Variants in FAM20B observed in about 807,000 individuals in gnomAD.
The protein encoded by FAM20B is glycosaminoglycan xylosylkinase.
In FAM20B, 23 loss-of-function variants were observed where a neutral mutation model predicts 43.8. That is an observed-to-expected ratio of 0.53 (90% CI 0.38 to 0.74). The LOEUF is 0.74. Ranked by LOEUF, FAM20B falls within the 30% of genes least tolerant of loss-of-function variation. The pLI, the probability that FAM20B is intolerant of heterozygous loss-of-function variation, is 0.00. For synonymous variants in FAM20B, 178 were observed against 192.4 expected (o/e 0.93, Z 0.62); for missense variants, 440 against 510.5 (o/e 0.86, Z 1.33).
chr1:179,060,933 G>A (rs1651435048), intron 4 of FAM20B, among the ~76,000 whole-genome samples: 2 of 152,110 alleles, frequency 1.3e-5, no homozygotes, highest in Non-Finnish European at 2.9e-5. Flanking sequence ...CTTTTTGTTT[G>A]AGAGCTATTT....
chr1:179,029,934 C>A (rs907577397), intron 1 of FAM20B, among the ~76,000 whole-genome samples: 1 of 152,074 alleles, frequency 6.6e-6, no homozygotes, highest in Non-Finnish European at 1.5e-5. Flanking sequence ...ATGAGATGAT[C>A]GAAAAATGTA....
At chr1:179,054,458 A>C (rs1651126962) in intron 3 of FAM20B, 71 bp from the exon 4 acceptor site, 2 of 957,980 alleles carry the variant, frequency 2.1e-6, no homozygotes, top group Non-Finnish European at 1.7e-6. Context: ...ATGAACTGTA[A>C]TTTTTAAGAC....
the FAM20B span, among the ~76,000 whole-genome samples, chr1:179,019,083 C>T: frequency 6.9e-3 from 1,049 of 152,318 alleles, 12 homozygotes; most frequent in African/African-American, 0.024. Flanking sequence ...ATGCAGTCCA[C>T]GCACAGTGGG....
Position 179,054,536 on chromosome 1 carries a change from G to C in FAM20B, c.472G>C (p.Gly158Arg). The C allele has an allele frequency of 6.2e-7, 1 of 1,608,506 alleles. No homozygotes were observed. Among genetic ancestry groups the C allele is most frequent in the Non-Finnish European group, 8.5e-7 (1 of 1,175,538 alleles). ...TTCAATCTTCCAAACCAGGATTCTG[G>C]GTTTCCACCGAGCCCCCTTGGTAGT... ...VAAFHLDRIL[G>R]FHRAPLVVGR... Residue 158 changes from glycine to arginine, a missense_variant, in exon 4 of 8, where the codon GGT (glycine) becomes CGT (arginine). Transcript: ENST00000263733.
chr1:179,062,388 A>G (rs1651503150), intron 4 of FAM20B, among the ~76,000 whole-genome samples: 1 of 152,138 alleles, frequency 6.6e-6, no homozygotes, highest in Non-Finnish European at 1.5e-5. Flanking sequence ...GCAGTGGCTC[A>G]CACCTGTAAT....
At position 179,064,462 on chromosome 1, in the gene FAM20B, G is replaced by A. The variant is rs754878367; in HGVS notation, c.904G>A (p.Ala302Thr). 14 of 1,614,032 alleles carry A rather than the reference G, an allele frequency of 8.7e-6. No individual in the cohort carries two copies. Among genetic ancestry groups the A allele is most frequent in the East Asian group, 2.2e-5 (1 of 44,888 alleles). The change falls in exon 6 of 8, where the codon GCT becomes ACT. Residue 302 changes from alanine to threonine, a missense_variant. Physicochemically the swap from Ala to Thr is moderately conservative, Grantham distance 58. Transcript: ENST00000263733. ...TGAGAGCTTTCAAGATGATGAAGGC[G>A]CTAGTATGCTCATCCTTCTTGATAA... is the stretch of plus-strand genomic sequence containing the variant. ...HYESFQDDEG[A>T]SMLILLDNAK... is the part of the protein sequence containing the mutation.
chr1:179,027,544 C>T (rs114078549), intron 1 of FAM20B, among the ~76,000 whole-genome samples: 1 of 152,170 alleles, frequency 6.6e-6, no homozygotes, highest in South Asian at 2.1e-4. Context: ...CCTCTCGAAC[C>T]GTACAATGGA....
chr1:179,050,995 A>G (rs1435065388), intron 3 of FAM20B, among the ~76,000 whole-genome samples: 1 of 151,794 alleles, frequency 6.6e-6, no homozygotes, highest in Non-Finnish European at 1.5e-5. Flanking sequence ...GGTGACAGGC[A>G]CCTGTAGTCC....
At chr1:179,053,304 G>A (rs764866704) in intron 3 of FAM20B, among the ~76,000 whole-genome samples, 7 of 152,004 alleles carry the variant, frequency 4.6e-5, no homozygotes, top group Non-Finnish European at 7.4e-5. Context: ...CCCAATCTAG[G>A]CTGCGTTTGT....
At chr1:179,025,040 A>G (rs941999453), upstream of FAM20B, among the ~76,000 whole-genome samples, 1 of 152,196 alleles carries the variant, frequency 6.6e-6, no homozygotes, top group Non-Finnish European at 1.5e-5. Context: ...AACCTGCATT[A>G]TATTTCAGGG....
chr1:179,043,820 G>T lies in FAM20B; in HGVS notation c.-28G>T. On this transcript the variant is annotated 5_prime_UTR_variant, in exon 2 of 8. Transcript: ENST00000263733. ...TCTCCTTAATACATGAGCAAGAGTG[G>T]GTCAGGGGAGAAGGAAAAGAGGTCA... The T allele has an allele frequency of 6.4e-7, 1 of 1,564,808 alleles. No individual in the cohort carries two copies. Among genetic ancestry groups the T allele is most frequent in the East Asian group, 2.3e-5 (1 of 44,316 alleles).
chr1:179,025,587 A>C (rs1011005244), upstream of FAM20B, among the ~76,000 whole-genome samples: 3 of 152,198 alleles, frequency 2.0e-5, no homozygotes, highest in Non-Finnish European at 4.4e-5. Flanking sequence ...GAAAAAGAGA[A>C]GACGGGGTGG....
At chr1:179,043,635 T>TA in intron 1 of FAM20B, 80 bp from the exon 2 acceptor site, 1 of 485,252 alleles carries the variant, frequency 2.1e-6, no homozygotes, top group Non-Finnish European at 3.6e-6. Flanking sequence ...GGGTGAGTCA[T>TA]ATATTAGAGG....
intron 7 of FAM20B, among the ~76,000 whole-genome samples, chr1:179,067,244 TACC>T (rs1651729218): frequency 6.6e-6 from 1 of 152,014 alleles, no homozygotes; most frequent in Non-Finnish European, 1.5e-5. Context: ...ACCCATCACA[TACC>T]ACCTGGGGTT....
At chr1:179,063,865 G>T in intron 4 of FAM20B, 62 bp from the exon 5 acceptor site, 3 of 1,216,680 alleles carry the variant, frequency 2.5e-6, no homozygotes, top group Middle Eastern at 4.4e-4. Context: ...TGCATTATTT[G>T]GGAGAGAACT....
upstream of FAM20B, among the ~76,000 whole-genome samples, chr1:179,021,749 C>T (rs1649607585): frequency 6.6e-6 from 1 of 152,066 alleles, no homozygotes; most frequent in Non-Finnish European, 1.5e-5. Context: ...AGAAAACATC[C>T]CGTATTACTT....
chr1:179,045,757 G>A (rs1407937549), intron 2 of FAM20B, among the ~76,000 whole-genome samples: 1 of 152,008 alleles, frequency 6.6e-6, no homozygotes, highest in Non-Finnish European at 1.5e-5. Flanking sequence ...GTGGTGGTGT[G>A]CACCTATAGT....
intron 1 of FAM20B, among the ~76,000 whole-genome samples, chr1:179,030,784 C>T (rs566064105): frequency 1.3e-5 from 2 of 152,038 alleles, no homozygotes; most frequent in Non-Finnish European, 2.9e-5. Context: ...CTCTTACAGG[C>T]CCTGCACAGT....
chr1:179,068,032 G>C (rs1315436886), intron 7 of FAM20B, among the ~76,000 whole-genome samples: 1 of 152,160 alleles, frequency 6.6e-6, no homozygotes, highest in Non-Finnish European at 1.5e-5. Context: ...CAAAGTGCTA[G>C]GATTACAGGC....
Sources: allele counts gnomAD v4.1 joint callset (sites outside exome capture counted in the v4.1 genomes callset), GRCh38; gene constraint gnomAD v4.1.1; transcripts MANE v1.5; gene names NCBI Gene and HGNC (gene_info 2026-07-23, HGNC 2026-07-21).